The following TNPO3 variants were observed in gnomAD, a reference collection of about 807,000 sequenced individuals.
TNPO3 encodes the protein transportin-3.
A neutral mutation model predicts 122.8 loss-of-function variants in TNPO3; 65 were observed. That is an observed-to-expected ratio of 0.53 (90% CI 0.43 to 0.65). TNPO3 has a LOEUF of 0.65. Among genes scored for constraint, TNPO3 ranks in the 30% least tolerant of loss-of-function variants. The pLI is 0.00. For missense variants in TNPO3, 850 were observed against 1,136.7 expected (o/e 0.75, Z 3.63); for synonymous variants, 372 against 411.2 (o/e 0.90, Z 1.15).
At chr7:129,010,325 G>C (rs150322906) in intron 4 of TNPO3, among the ~76,000 whole-genome samples, 4 of 152,184 alleles carry the variant, frequency 2.6e-5, no homozygotes, top group Non-Finnish European at 5.9e-5. Flanking sequence ...ATGCCAACAT[G>C]CTTGGTTAAT....
chr7:129,022,726 C>T (rs1306328010), intron 1 of TNPO3, among the ~76,000 whole-genome samples: 2 of 152,006 alleles, frequency 1.3e-5, no homozygotes, highest in East Asian at 3.9e-4. Flanking sequence ...GAAGAAAGAA[C>T]AGGGTAAAGA....
intron 1 of TNPO3, among the ~76,000 whole-genome samples, chr7:129,021,543 T>C (rs1045341320): frequency 4.0e-5 from 6 of 151,734 alleles, no homozygotes; most frequent in Non-Finnish European, 8.8e-5. Context: ...ACAAGTATAA[T>C]AGAGATGAAG....
At position 128,957,488 on chromosome 7, in the gene TNPO3, A is replaced by G. The variant is rs141562953; in HGVS notation, c.2712-173T>C. Among the ~76,000 whole-genome samples, 7 of 152,286 alleles carry G rather than the reference A, an allele frequency of 4.6e-5. No homozygotes were observed. The East Asian group carries it at 1.3e-3, about 29-fold the overall frequency. On this transcript the variant is annotated intron_variant, in intron 21 of 22. Coordinates refer to ENST00000265388, the MANE Select transcript of TNPO3 (RefSeq NM_012470.4). ...CTTTCTGTAATTCAGGGCAAAAATT[A>G]TTATATATGAGAAAAGTTATAAGCT...
In TNPO3 at chr7:129,019,852, C is replaced by T. The variant is rs1057333397; in HGVS notation, c.121-1695G>A. Among the ~76,000 whole-genome samples the T allele has an allele frequency of 2.0e-5, 3 of 151,956 alleles. No individual in the cohort carries two copies. In the South Asian group the frequency reaches 6.2e-4, roughly 32 times the overall value. Reference sequence around the variant, plus strand: ...GTACTAAAAATACAAAAAAATTAGGCGGGTGTAGTGGCACTCACCTGCAAT... The same window carrying T: ...GTACTAAAAATACAAAAAAATTAGGTGGGTGTAGTGGCACTCACCTGCAAT... On this transcript the variant is annotated intron_variant, in intron 1 of 22. Transcript: ENST00000265388.
Position 129,012,311 on chromosome 7 carries a change from A to G in TNPO3, c.552+2668T>C, listed in dbSNP as rs568499036. On this transcript the variant is annotated intron_variant, in intron 4 of 22. Transcript: ENST00000265388. ...GTGAGCCACTGCACCCAGCCCTCCAATGAATTTCTAATACAAAACTGAACA... is the reference window on the plus strand; with the variant it reads ...GTGAGCCACTGCACCCAGCCCTCCAGTGAATTTCTAATACAAAACTGAACA... Among the ~76,000 whole-genome samples the G allele has an allele frequency of 6.2e-4, 94 of 152,174 alleles. No individual in the cohort carries two copies. The South Asian group carries it at 9.3e-3, about 15-fold the overall frequency.
At chr7:128,961,672 C>A (rs923530186) in intron 21 of TNPO3, among the ~76,000 whole-genome samples, 1 of 152,160 alleles carries the variant, frequency 6.6e-6, no homozygotes, top group Non-Finnish European at 1.5e-5. Flanking sequence ...AAATTCCTAT[C>A]CTTCCACCAT....
intron 1 of TNPO3, among the ~76,000 whole-genome samples, chr7:129,037,435 T>C (rs1432943422): frequency 6.6e-6 from 1 of 152,106 alleles, no homozygotes; most frequent in Non-Finnish European, 1.5e-5. Flanking sequence ...AACCAGCTCA[T>C]AAAAATTCTG....
At position 129,011,413 on chromosome 7, in the gene TNPO3, G is replaced by A. The variant is rs111392313; in HGVS notation, c.552+3566C>T. Among the ~76,000 whole-genome samples the A allele has an allele frequency of 6.9e-3, 1,055 of 152,154 alleles. 14 individuals are homozygous for A. The highest frequency in any genetic ancestry group is 0.024 in the African/African-American group (1,015 of 41,524). ...GGCTGGAGTGCAGTGGTGCCATCTCGGCCCACTGCAACCTCTGCCTCCCGG... is the reference window on the plus strand; with the variant it reads ...GGCTGGAGTGCAGTGGTGCCATCTCAGCCCACTGCAACCTCTGCCTCCCGG... On this transcript the variant is annotated intron_variant, in intron 4 of 22. Coordinates refer to ENST00000265388, the MANE Select transcript of TNPO3 (RefSeq NM_012470.4).
intron 1 of TNPO3, among the ~76,000 whole-genome samples, chr7:129,031,680 C>T (rs1229403382): frequency 2.0e-5 from 3 of 152,162 alleles, no homozygotes; most frequent in Non-Finnish European, 4.4e-5. Flanking sequence ...AGAACACTTT[C>T]TACTCATTCT....
intron 4 of TNPO3, among the ~76,000 whole-genome samples, chr7:129,013,666 C>T (rs1200457300): frequency 6.6e-6 from 1 of 152,154 alleles, no homozygotes; most frequent in Non-Finnish European, 1.5e-5. Flanking sequence ...TCTCTACAAT[C>T]CCATGTTTAT....
chr7:129,035,950 C>CTTTTTTTT (rs71162551), intron 1 of TNPO3, among the ~76,000 whole-genome samples: 2 of 119,936 alleles, frequency 1.7e-5, no homozygotes, highest in Admixed American at 9.5e-5. Flanking sequence ...CTTTTCTTTT[C>CTTTTTTTT]TTTTTTTTTT....
chr7:128,984,877 C>T (rs558903036), intron 12 of TNPO3, among the ~76,000 whole-genome samples: 1 of 152,170 alleles, frequency 6.6e-6, no homozygotes, highest in South Asian at 2.1e-4. Flanking sequence ...CCCTCCTAAA[C>T]AAATCTTGAC....
intron 1 of TNPO3, among the ~76,000 whole-genome samples, chr7:129,035,031 T>C (rs1442753370): frequency 6.6e-6 from 1 of 151,956 alleles, no homozygotes; most frequent in African/African-American, 2.4e-5. Context: ...TCCCAGCACT[T>C]TGGGAGGCAG....
chr7:129,047,958 T>C (rs530307232), intron 1 of TNPO3, among the ~76,000 whole-genome samples: 3 of 152,340 alleles, frequency 2.0e-5, no homozygotes, highest in East Asian at 1.9e-4. Context: ...CAGTGACTCA[T>C]GTCTGTAATC....
chr7:129,038,930 C>G (rs554374981), intron 1 of TNPO3, among the ~76,000 whole-genome samples: 1 of 152,236 alleles, frequency 6.6e-6, no homozygotes, highest in African/African-American at 2.4e-5. Flanking sequence ...CCCTATGACA[C>G]AGCTTTACCT....
rs1368698848 is a variant in TNPO3, at chr7:128,979,998, A to G, written c.1893T>C (p.Thr631=). 2 of 1,614,124 alleles carry G rather than the reference A, an allele frequency of 1.2e-6. No homozygotes were observed. Among genetic ancestry groups the G allele is most frequent in the South Asian group, 2.2e-5 (2 of 91,076 alleles). Reference sequence around the variant, plus strand: ...CCTGTATGACTTTCTGACACGGATGAGTCTGTCCATTTTCCACAATGGGAT... The same window carrying G: ...CCTGTATGACTTTCTGACACGGATGGGTCTGTCCATTTTCCACAATGGGAT... The part of the protein sequence containing the change: ...HTNPIVENGQ[T]HPCQKVIQEI... Residue 631 remains threonine (T), a synonymous_variant, in exon 15 of 23, where the codon ACT becomes ACC. Transcript: ENST00000265388.
chr7:129,015,493 T>C (rs1803737450), intron 3 of TNPO3, among the ~76,000 whole-genome samples: 1 of 152,194 alleles, frequency 6.6e-6, no homozygotes, highest in Non-Finnish European at 1.5e-5. Flanking sequence ...TTAAAATGCA[T>C]AAAGGAAACT....
Position 128,982,164 on chromosome 7 carries a change from GA to G in TNPO3, c.1859+83del. On this transcript the variant is annotated intron_variant, in intron 14 of 22. Transcript: ENST00000265388. ...ATAGGGAGATACTTGGAAGTATGAG[GA>G]AAAAATACTTGCTTACTTCAATATA... The G allele has an allele frequency of 4.1e-6, 5 of 1,214,120 alleles. No individual in the cohort carries two copies. The Admixed American group carries it at 8.1e-5, about 20-fold the overall frequency. The allele number at this position is 1,214,120 out of a possible 1,614,324, so 75.2% of individuals were successfully genotyped here. A position where few individuals can be genotyped will look rare whatever the true frequency, so the allele number is the denominator to read the frequency against.
At chr7:128,993,368 G>A (rs373471526) in intron 9 of TNPO3, among the ~76,000 whole-genome samples, 13 of 152,290 alleles carry the variant, frequency 8.5e-5, no homozygotes, top group African/African-American at 2.9e-4. Flanking sequence ...CCTCTGGGAC[G>A]AAACTGCACA....
Sources: gnomAD v4.1 joint callset for allele counts (sites outside exome capture counted in the v4.1 genomes callset) on GRCh38, gnomAD v4.1.1 for gene constraint, MANE v1.5 for transcripts, NCBI Gene and HGNC (gene_info 2026-07-23, HGNC 2026-07-21) for gene names.